The following AZIN2 variants were observed in gnomAD, a reference collection of about 807,000 sequenced individuals.
The protein encoded by AZIN2 is antizyme inhibitor 2, also known as ODC antizyme inhibitor-2.
A neutral mutation model predicts 47.8 loss-of-function variants in AZIN2; 28 were observed. The ratio of observed to expected loss-of-function variants is 0.59; its 90% confidence interval spans 0.43 to 0.80. The LOEUF (loss-of-function observed/expected upper bound fraction) is 0.80. Among genes scored for constraint, AZIN2 ranks in the 30% least tolerant of loss-of-function variants. The pLI is 0.00. For synonymous variants in AZIN2, 221 were observed against 239.4 expected (o/e 0.92, Z 0.71); for missense variants, 535 against 582.5 (o/e 0.92, Z 0.84).
chr1:33,098,285 A>G, intron 10 of AZIN2, 106 bp downstream of exon 10: 1 of 789,102 alleles, frequency 1.3e-6, no homozygotes. Flanking sequence ...TTTATTGTCG[A>G]TAATAGACAA....
chr1:33,159,130 C>T, the AZIN2 span, among the ~76,000 whole-genome samples: 1 of 152,026 alleles, frequency 6.6e-6, no homozygotes, highest in Admixed American at 6.6e-5. The surrounding 1 kb of genome is among the most constrained non-coding windows in gnomAD (Gnocchi z 4.2). Context: ...CAGGTGTGAG[C>T]CACCGTGCCC....
chr1:33,090,341 G>GTCA (rs151228873), intron 5 of AZIN2, among the ~76,000 whole-genome samples: 4 of 152,070 alleles, frequency 2.6e-5, no homozygotes, highest in South Asian at 2.1e-4. Context: ...AGTTGCTGTC[G>GTCA]TCATCATCAT....
the AZIN2 span, chr1:33,165,591 G>C: frequency 1.3e-6 from 2 of 1,581,790 alleles, no homozygotes; most frequent in Non-Finnish European, 8.6e-7. This position sits in a 1 kb window ranked among gnomAD's most constrained non-coding sequence, Gnocchi z 4.0. Flanking sequence ...GGGCCGGGAT[G>C]GGGGCAGGGG....
At chr1:33,163,682 A>G in the AZIN2 span, 4 of 152,096 alleles carry the variant, frequency 2.6e-5, no homozygotes, top group African/African-American at 9.7e-5. Flanking sequence ...AGAATGCATC[A>G]CCCCGCCAGG....
At chr1:33,144,278 C>T in the AZIN2 span, among the ~76,000 whole-genome samples, 1 of 152,154 alleles carries the variant, frequency 6.6e-6, no homozygotes, top group Non-Finnish European at 1.5e-5. Flanking sequence ...GCTGGGATTA[C>T]AGGCATGTGC....
rs1644804187 is a variant in AZIN2 at position 33,122,031 on chromosome 1, G to A, written c.*1849G>A. Among the ~76,000 whole-genome samples, 1 of 152,122 alleles carries A rather than the reference G, an allele frequency of 6.6e-6. No individual in the cohort carries two copies. The highest frequency in any genetic ancestry group is 6.5e-5 in the Admixed American group (1 of 15,268). ...AAAAGACTCAGGGCAATCAGAAAGG[G>A]TTACTCTACTACCCCGTGATCCATC... On this transcript the variant is annotated 3_prime_UTR_variant, in exon 12 of 12. Transcript: ENST00000294517.
intron 10 of AZIN2, among the ~76,000 whole-genome samples, chr1:33,116,292 G>T (rs1644536913): frequency 6.6e-6 from 1 of 152,136 alleles, no homozygotes; most frequent in Admixed American, 6.6e-5. Flanking sequence ...GGGACTAATA[G>T]CTTATTAACT....
At chr1:33,101,939 C>A in intron 10 of AZIN2, 2 of 768,610 alleles carry the variant, frequency 2.6e-6, no homozygotes, top group Non-Finnish European at 4.9e-6. Context: ...ATTCTCCTCT[C>A]AAGGCATTTG....
At chr1:33,119,813 C>G in intron 11 of AZIN2, 1 of 587,302 alleles carries the variant, frequency 1.7e-6, no homozygotes, top group Non-Finnish European at 3.0e-6. Context: ...GGCATGATGT[C>G]TGGCATGTAG....
rs760980719 is a variant in AZIN2 at position 33,092,083 on chromosome 1, C to T, written c.313C>T (p.Pro105Ser). 1.9e-6 allele frequency: 3 copies of T among 1,614,068 alleles called. No individual in the cohort carries two copies. Among genetic ancestry groups the T allele is most frequent in the Non-Finnish European group, 2.5e-6 (3 of 1,179,978 alleles). ...EMELVQHIGI[P>S]ASKIICANPC... ...GGAGTTGGTCCAGCATATTGGAATC[C>T]CTGCCAGTAAGATCATCTGCGCCAA... is the stretch of plus-strand genomic sequence containing the variant. The change falls in exon 6 of 12, where the codon CCT becomes TCT. Residue 105 changes from proline (P) to serine (S), a missense_variant. This residue lies in a region of AZIN2 where 409 missense variants were observed against 429.0 expected (regional missense o/e 0.95). Coordinates refer to ENST00000294517, the MANE Select transcript of AZIN2 (RefSeq NM_052998.4).
intron 10 of AZIN2, among the ~76,000 whole-genome samples, chr1:33,104,199 C>A (rs571580702): frequency 6.6e-6 from 1 of 152,188 alleles, no homozygotes; most frequent in Admixed American, 6.5e-5. Context: ...TCTTTCATTT[C>A]TATGTCTTTG....
At chr1:33,101,336 G>A (rs749752007) in intron 10 of AZIN2, among the ~76,000 whole-genome samples, 3 of 152,092 alleles carry the variant, frequency 2.0e-5, no homozygotes, top group African/African-American at 4.8e-5. Context: ...ACTGTGCCTG[G>A]CCCCCACCCT....
Position 33,120,611 on chromosome 1 carries a change from C to T in AZIN2, c.*429C>T, listed in dbSNP as rs769278856. ...TTTCCCCATCACTCACTGATGAGCC[C>T]ACACCCTCTGCTTTAGTCCTGAGCC... On this transcript the variant is annotated 3_prime_UTR_variant, in exon 12 of 12. Transcript: ENST00000294517. 1 of 167,950 alleles carries T rather than the reference C, an allele frequency of 6.0e-6. No homozygotes were observed. The highest frequency in any genetic ancestry group is 1.3e-5 in the Non-Finnish European group (1 of 75,974). The allele number at this position is 167,950 out of a possible 1,614,324, so 10.4% of individuals were successfully genotyped here.
chr1:33,112,979 A>G (rs913657665), intron 10 of AZIN2, among the ~76,000 whole-genome samples: 12 of 151,910 alleles, frequency 7.9e-5, no homozygotes, highest in African/African-American at 2.9e-4. Flanking sequence ...GGTTTTATTT[A>G]TTTATTTTTT....
At chr1:33,088,215 C>T (rs553603683) in intron 5 of AZIN2, among the ~76,000 whole-genome samples, 130 of 152,278 alleles carry the variant, frequency 8.5e-4, no homozygotes, top group African/African-American at 3.0e-3. Context: ...GCCTGGAACC[C>T]GGCATGTTCA....
rs935047317 is a variant in AZIN2 at position 33,096,652 on chromosome 1, A to G, written c.754-55A>G. The G allele has an allele frequency of 1.3e-5, 20 of 1,595,162 alleles. No homozygotes were observed. In the African/African-American group the frequency reaches 2.5e-4, roughly 20 times the overall value. On this transcript the variant is annotated intron_variant, in intron 8 of 11. Transcript: ENST00000294517. ...AGACTTGGAGCTGTAGCAAGTCTTC[A>G]GCATAAAGCCCACATTTCAAACACA...
chr1:33,105,077 C>T (rs1407128236), intron 10 of AZIN2, among the ~76,000 whole-genome samples: 2 of 152,136 alleles, frequency 1.3e-5, no homozygotes, highest in African/African-American at 4.8e-5. Flanking sequence ...GTTTTAGCTG[C>T]TCTGATATTA....
chr1:33,114,414 C>T lies in AZIN2; in HGVS notation c.1030-3488C>T, dbSNP rs540221132. ...TGTCGCCCAGGCTGGAGTGCAGTGG[C>T]GCAATCTCGGCTCACTGCAAGCTCC... is the stretch of plus-strand genomic sequence containing the variant. On this transcript the variant is annotated intron_variant, in intron 10 of 11. Coordinates refer to ENST00000294517, the MANE Select transcript of AZIN2 (RefSeq NM_052998.4). Among the ~76,000 whole-genome samples, 69 of 140,486 alleles carry T rather than the reference C, an allele frequency of 4.9e-4. No homozygotes were observed. The East Asian group carries it at 0.014, about 28-fold the overall frequency. 92.2% of individuals were successfully genotyped at this position (140,486 alleles called of 152,430 possible).
chr1:33,093,486 T>G, intron 7 of AZIN2, 70 bp downstream of exon 7: 1 of 1,555,144 alleles, frequency 6.4e-7, no homozygotes, highest in Admixed American at 1.8e-5. Context: ...GAATTAATTC[T>G]ATATGAGACC....
Sources: allele counts gnomAD v4.1 joint callset (sites outside exome capture counted in the v4.1 genomes callset), GRCh38; gene constraint gnomAD v4.1.1; regional missense constraint gnomAD v4.1.1; non-coding constraint Gnocchi (gnomAD v3.1); transcripts MANE v1.5; gene names NCBI Gene and HGNC (gene_info 2026-07-23, HGNC 2026-07-21).